SCYL2: variants seen among roughly 807,000 people sequenced by gnomAD.
SCYL2 encodes the protein SCY1-like protein 2.
In SCYL2, 36 loss-of-function variants were observed where a neutral mutation model predicts 100.4. That is an observed-to-expected ratio of 0.36 (90% CI 0.27 to 0.47). The LOEUF (loss-of-function observed/expected upper bound fraction) is 0.47. Ranked by LOEUF, SCYL2 falls within the 20% of genes least tolerant of loss-of-function variation. The pLI is 1.00. For synonymous variants in SCYL2, 330 were observed against 359.2 expected (o/e 0.92, Z 0.92); for missense variants, 902 against 1,083.9 (o/e 0.83, Z 2.36).
intron 6 of SCYL2, among the ~76,000 whole-genome samples, chr12:100,312,969 C>CA (rs1382650979): frequency 6.6e-6 from 1 of 151,466 alleles, no homozygotes; most frequent in Non-Finnish European, 1.5e-5. Context: ...AAAAAAAATA[C>CA]AAAAAGTTAG....
At position 100,311,094 on chromosome 12, in the gene SCYL2, A is replaced by C; in HGVS notation, c.531A>C (p.Gly177=). The C allele has an allele frequency of 6.2e-7, 1 of 1,605,926 alleles. No individual in the cohort carries two copies. The highest frequency in any genetic ancestry group is 8.5e-7 in the Non-Finnish European group (1 of 1,176,760). ...FLHSSVKMVH[G]NITPENIILN... ...ATAGCAGTGTGAAAATGGTGCATGG[A>C]AATATCACTCCTGAAAATATAATTT... The change falls in exon 5 of 18, where the codon GGA becomes GGC. Residue 177 remains glycine, a synonymous_variant. Transcript: ENST00000360820.
intron 1 of SCYL2, among the ~76,000 whole-genome samples, chr12:100,282,334 T>G (rs2096299652): frequency 7.9e-6 from 1 of 126,820 alleles, no homozygotes; most frequent in African/African-American, 2.9e-5. Context: ...TTTTTTTTTT[T>G]TTTTTTTTTG....
chr12:100,335,737 G>A (rs1952267358), intron 15 of SCYL2, 46 bp downstream of exon 15: 3 of 1,588,038 alleles, frequency 1.9e-6, no homozygotes, highest in Middle Eastern at 1.7e-4. Context: ...TCATCTGGAG[G>A]GCTTTTAATC....
At chr12:100,325,584 G>T (rs563692307) in intron 11 of SCYL2, among the ~76,000 whole-genome samples, 1 of 152,070 alleles carries the variant, frequency 6.6e-6, no homozygotes. Flanking sequence ...TTCCTGAGTC[G>T]TGAGTTAGTA....
chr12:100,272,970 A>G (rs1449757167), intron 1 of SCYL2, among the ~76,000 whole-genome samples: 1 of 151,964 alleles, frequency 6.6e-6, no homozygotes, highest in East Asian at 1.9e-4. Flanking sequence ...CCTTGACCAT[A>G]TTTCCTTTAT....
intron 17 of SCYL2, among the ~76,000 whole-genome samples, chr12:100,338,138 G>A (rs1444524354): frequency 6.6e-6 from 1 of 152,186 alleles, no homozygotes; most frequent in Non-Finnish European, 1.5e-5. Flanking sequence ...AGAATATTTT[G>A]TAGGTACTTT....
At position 100,337,521 on chromosome 12, in the gene SCYL2, CTT is replaced by C. The variant is rs775783485; in HGVS notation, c.2145+18_2145+19del. On this transcript the variant is annotated intron_variant, in intron 17 of 17. Transcript: ENST00000360820. ...CTGTTAAACAGGTCAGAGTTCATTT[CTT>C]TTGTGTAATTTCCAGAATACGACTG... 1 of 1,612,796 alleles carries C rather than the reference CTT, an allele frequency of 6.2e-7. No individual in the cohort carries two copies. Among genetic ancestry groups the C allele is most frequent in the Non-Finnish European group, 8.5e-7 (1 of 1,179,002 alleles).
intron 11 of SCYL2, 67 bp from the exon 12 acceptor site, chr12:100,326,555 C>CAAAAAA: frequency 9.0e-7 from 1 of 1,116,752 alleles, no homozygotes; most frequent in South Asian, 1.7e-5. Context: ...ATTAAGTTTA[C>CAAAAAA]ACTTAAATAT....
rs1952317177 is a variant in SCYL2 at position 100,338,931 on chromosome 12, A to G, written c.2549A>G (p.Lys850Arg). 1.2e-6 allele frequency: 2 copies of G among 1,614,136 alleles called. No individual in the cohort carries two copies. Among genetic ancestry groups the G allele is most frequent in the Non-Finnish European group, 1.7e-6 (2 of 1,179,986 alleles). The part of the protein sequence containing the change: ...LNNLFGPQKP[K>R]VSMNQLSQQK... ...AATCTCTTTGGCCCTCAGAAACCCA[A>G]AGTTAGCATGAACCAGTTATCACAA... Residue 850 changes from lysine to arginine, a missense_variant, in exon 18 of 18, where the codon AAA becomes AGA. Physicochemically the swap from Lys to Arg is conservative, Grantham distance 26. Coordinates refer to ENST00000360820, the MANE Select transcript of SCYL2 (RefSeq NM_017988.6).
At position 100,312,662 on chromosome 12, in the gene SCYL2, C is replaced by T; in HGVS notation, c.852+9C>T. The stretch of plus-strand genomic sequence containing the variant: ...GTAGGCAGTTGGATCAGGTATTTGC[C>T]TATAAATAATTTGCTTGCATTAAAA... On this transcript the variant is annotated intron_variant, in intron 6 of 17. Transcript: ENST00000360820. 6.3e-7 allele frequency: 1 copy of T among 1,582,904 alleles called. No homozygotes were observed. Among genetic ancestry groups the T allele is most frequent in the Non-Finnish European group, 8.6e-7 (1 of 1,164,362 alleles).
At chr12:100,309,220 ACTC>A (rs2096338813) in intron 4 of SCYL2, among the ~76,000 whole-genome samples, 1 of 151,366 alleles carries the variant, frequency 6.6e-6, no homozygotes, top group Non-Finnish European at 1.5e-5. Flanking sequence ...TGGCCATCTT[ACTC>A]TGCCCTCTTC....
intron 3 of SCYL2, among the ~76,000 whole-genome samples, chr12:100,294,372 C>T (rs1458299076): frequency 5.3e-5 from 6 of 114,006 alleles, no homozygotes; most frequent in Non-Finnish European, 7.5e-5. Context: ...GGCGGCTGGC[C>T]GGGCGGGGGG....
intron 4 of SCYL2, among the ~76,000 whole-genome samples, chr12:100,308,443 C>T (rs1165085679): frequency 6.6e-6 from 1 of 152,014 alleles, no homozygotes; most frequent in Non-Finnish European, 1.5e-5. Flanking sequence ...ACAGTGAGAA[C>T]ACATGGACAC....
rs1376740714 is a variant in SCYL2 at position 100,340,803 on chromosome 12, A to G, written c.*1631A>G. 3 of 152,054 alleles carry G rather than the reference A, an allele frequency of 2.0e-5. No homozygotes were observed. Among genetic ancestry groups the G allele is most frequent in the Admixed American group, 2.0e-4 (3 of 15,276 alleles). The allele number at this position is 152,054 out of a possible 1,614,324, so 9.4% of individuals were successfully genotyped here. Reference sequence around the variant, plus strand: ...GCTAAAGAAATGCATCCAATAAATGAAAAACAGTAGGAAGATCAAATGTTT... The same window carrying G: ...GCTAAAGAAATGCATCCAATAAATGGAAAACAGTAGGAAGATCAAATGTTT... On this transcript the variant is annotated 3_prime_UTR_variant, in exon 18 of 18. Transcript: ENST00000360820.
At chr12:100,286,103 T>A (rs1312096045) in intron 2 of SCYL2, among the ~76,000 whole-genome samples, 6 of 152,196 alleles carry the variant, frequency 3.9e-5, no homozygotes, top group Non-Finnish European at 5.9e-5. Flanking sequence ...AAACACCATA[T>A]ACATCTAATT....
intron 8 of SCYL2, among the ~76,000 whole-genome samples, chr12:100,315,138 T>A (rs754095696): frequency 6.6e-6 from 1 of 152,102 alleles, no homozygotes; most frequent in African/African-American, 2.4e-5. Context: ...CTATGGAGAG[T>A]AAAGAGGAGG....
chr12:100,334,202 A>G lies in SCYL2; in HGVS notation c.1798A>G (p.Asn600Asp), dbSNP rs201071506. Residue 600 changes from asparagine (N) to aspartate (D), a missense_variant, in exon 14 of 18, where the codon AAT becomes GAT. Transcript: ENST00000360820. ...CATTTCCGTCATAAAAGAAATGCTT[A>G]ATAGATTGGAGTCTGAACATAAGAC... ...SFISVIKEML[N>D]RLESEHKTKL... The G allele has an allele frequency of 2.7e-5, 44 of 1,604,176 alleles. No homozygotes were observed. Among genetic ancestry groups the G allele is most frequent in the Non-Finnish European group, 1.6e-5 (19 of 1,174,304 alleles).
intron 1 of SCYL2, among the ~76,000 whole-genome samples, chr12:100,270,112 G>C (rs1231669668): frequency 6.6e-6 from 1 of 151,186 alleles, no homozygotes; most frequent in African/African-American, 2.4e-5. Flanking sequence ...TCAGCCTCCC[G>C]AGTAGCTGGG....
intron 1 of SCYL2, among the ~76,000 whole-genome samples, chr12:100,268,718 A>G (rs181067584): frequency 6.6e-6 from 1 of 152,324 alleles, no homozygotes; most frequent in Admixed American, 6.5e-5. Context: ...TACTGGGAAT[A>G]ACTACTCATA....
Sources: allele counts gnomAD v4.1 joint callset (sites outside exome capture counted in the v4.1 genomes callset), GRCh38; gene constraint gnomAD v4.1.1; transcripts MANE v1.5; gene names NCBI Gene and HGNC (gene_info 2026-07-23, HGNC 2026-07-21).